MTUS2: variants seen among roughly 807,000 people sequenced by gnomAD.
The protein encoded by MTUS2 is microtubule-associated tumor suppressor candidate 2.
Under a neutral mutation model 114.1 loss-of-function variants are expected in MTUS2, and 40 were observed. The observed-to-expected ratio is 0.35, with a 90% CI of 0.27 to 0.46. The LOEUF (loss-of-function observed/expected upper bound fraction) is 0.46. Among genes scored for constraint, MTUS2 ranks in the 20% least tolerant of loss-of-function variants. The pLI is 1.00. For synonymous variants in MTUS2, 688 were observed against 672.0 expected (o/e 1.02, Z -0.37); for missense variants, 1,679 against 1,705.4 (o/e 0.98, Z 0.27).
intron 2 of MTUS2, among the ~76,000 whole-genome samples, chr13:28,988,131 A>G (rs982200587): frequency 2.6e-5 from 4 of 152,336 alleles, no homozygotes; most frequent in African/African-American, 4.8e-5. Flanking sequence ...TAGGATAGAG[A>G]CAGGAAGAAA....
intron 5 of MTUS2, among the ~76,000 whole-genome samples, chr13:29,270,464 C>T (rs12877613): frequency 0.013 from 1,905 of 152,190 alleles, 28 homozygotes; most frequent in East Asian, 0.078. Context: ...AGTTTAGTGC[C>T]GGCAAATCCC....
At chr13:29,324,823 C>G (rs1759595866) in intron 7 of MTUS2, 112 bp downstream of exon 7, 2 of 798,080 alleles carry the variant, frequency 2.5e-6, no homozygotes, top group Non-Finnish European at 2.1e-6. Flanking sequence ...CTCAATTGTT[C>G]CAGAGCTTGA....
chr13:29,463,769 C>T (rs1182882177), intron 9 of MTUS2, among the ~76,000 whole-genome samples: 5 of 152,162 alleles, frequency 3.3e-5, no homozygotes, highest in Admixed American at 1.3e-4. Context: ...GGGGCCGAGG[C>T]GGGCATATCA....
At chr13:29,037,867 A>G (rs1035267926) in intron 4 of MTUS2, among the ~76,000 whole-genome samples, 1 of 152,154 alleles carries the variant, frequency 6.6e-6, no homozygotes, top group African/African-American at 2.4e-5. Flanking sequence ...CCATCAGGTC[A>G]TTTATGTTCT....
At chr13:29,057,628 T>C (rs1888199413) in intron 4 of MTUS2, among the ~76,000 whole-genome samples, 1 of 152,212 alleles carries the variant, frequency 6.6e-6, no homozygotes, top group African/African-American at 2.4e-5. Context: ...TCTCTGCTTT[T>C]TCCTGTGTTT....
chr13:29,039,021 C>T (rs184256267), intron 4 of MTUS2, among the ~76,000 whole-genome samples: 8 of 152,328 alleles, frequency 5.3e-5, no homozygotes, highest in Admixed American at 3.3e-4. Context: ...GTTGGGAAAG[C>T]GCCTCCAGGC....
intron 5 of MTUS2, among the ~76,000 whole-genome samples, chr13:29,197,361 G>C (rs1894746658): frequency 6.6e-6 from 1 of 151,982 alleles, no homozygotes; most frequent in Non-Finnish European, 1.5e-5. Flanking sequence ...GAGAATGATG[G>C]TTTCCAGCTT....
At chr13:29,322,216 C>T (rs1311406671) in intron 6 of MTUS2, among the ~76,000 whole-genome samples, 1 of 152,156 alleles carries the variant, frequency 6.6e-6, no homozygotes, top group Non-Finnish European at 1.5e-5. Flanking sequence ...AAGCACAAAA[C>T]ATTAGGTTTA....
In MTUS2 at chr13:29,504,618, G is replaced by A. The variant is rs1477942344; in HGVS notation, c.*1412G>A. 1 of 232,976 alleles carries A rather than the reference G, an allele frequency of 4.3e-6. No homozygotes were observed. The highest frequency in any genetic ancestry group is 2.2e-5 in the African/African-American group (1 of 45,336). The allele number at this position is 232,976 out of a possible 1,614,324, so 14.4% of individuals were successfully genotyped here. On this transcript the variant is annotated 3_prime_UTR_variant, in exon 16 of 16. Coordinates refer to ENST00000612955, the MANE Select transcript of MTUS2 (RefSeq NM_001033602.4). ...TGGACTGGCATCTGTCTCTAAAATGGTAGAATTAGGATATGAACAGTACTC... is the reference window on the plus strand; with the variant it reads ...TGGACTGGCATCTGTCTCTAAAATGATAGAATTAGGATATGAACAGTACTC...
intron 5 of MTUS2, among the ~76,000 whole-genome samples, chr13:29,134,596 C>T (rs151164326): frequency 4.3e-4 from 65 of 152,000 alleles, no homozygotes; most frequent in Non-Finnish European, 7.7e-4. Flanking sequence ...TTCTGTATCA[C>T]GCTTTATTTT....
chr13:29,351,099 A>G (rs942783823), intron 7 of MTUS2, among the ~76,000 whole-genome samples: 28 of 151,896 alleles, frequency 1.8e-4, no homozygotes, highest in African/African-American at 6.3e-4. Flanking sequence ...TTCAAGTCCT[A>G]AAGGATGGCA....
chr13:28,907,918 G>A lies in MTUS2; in HGVS notation c.-243+68068G>A, dbSNP rs893818077. 4.0e-4 allele frequency among the ~76,000 whole-genome samples: 60 copies of A among 151,400 alleles called. 3 individuals are homozygous for A. Among genetic ancestry groups the A allele is most frequent in the Non-Finnish European group, 1.3e-4 (9 of 67,888 alleles). On this transcript the variant is annotated intron_variant, in intron 2 of 15. Coordinates refer to ENST00000612955, the MANE Select transcript of MTUS2 (RefSeq NM_001033602.4). Reference sequence around the variant, plus strand: ...GTGTCACTTCCTTCTGGTCTCCATGGTTTCAGGTGAGTAATCTGAATTGTG... The same window carrying A: ...GTGTCACTTCCTTCTGGTCTCCATGATTTCAGGTGAGTAATCTGAATTGTG...
intron 5 of MTUS2, among the ~76,000 whole-genome samples, chr13:29,142,441 C>T (rs540171856): frequency 2.0e-5 from 3 of 152,178 alleles, no homozygotes; most frequent in African/African-American, 4.8e-5. Context: ...TGGTGGCTCA[C>T]GCCTATAATC....
At chr13:29,180,686 A>T (rs7983586) in intron 5 of MTUS2, among the ~76,000 whole-genome samples, 112,421 of 152,088 alleles carry the variant, frequency 0.74, 41,655 homozygotes, top group East Asian at 0.8. Context: ...TAGGCTATAA[A>T]CTGGCTTCAC....
chr13:28,932,146 T>C (rs1881653315), intron 2 of MTUS2, among the ~76,000 whole-genome samples: 2 of 152,218 alleles, frequency 1.3e-5, no homozygotes, highest in South Asian at 4.1e-4. Context: ...CACTGACCAA[T>C]GGCTATTCTC....
chr13:29,259,338 A>C (rs1379250460), intron 5 of MTUS2, among the ~76,000 whole-genome samples: 2 of 152,148 alleles, frequency 1.3e-5, no homozygotes, highest in East Asian at 3.9e-4. Context: ...GAAGAAAGCA[A>C]CTGAAGAGAG....
At chr13:29,082,580 A>C (rs1237812187) in intron 4 of MTUS2, among the ~76,000 whole-genome samples, 1 of 152,084 alleles carries the variant, frequency 6.6e-6, no homozygotes, top group Non-Finnish European at 1.5e-5. Context: ...TCCTCCTACA[A>C]CTTGGCAAAT....
chr13:29,392,350 T>C (rs1873568605), intron 8 of MTUS2, among the ~76,000 whole-genome samples: 1 of 152,108 alleles, frequency 6.6e-6, no homozygotes, highest in East Asian at 1.9e-4. Flanking sequence ...GACTGGCTTA[T>C]TTCACCCAGC....
At chr13:29,030,343 G>T (rs1016560749) in intron 3 of MTUS2, among the ~76,000 whole-genome samples, 2 of 152,152 alleles carry the variant, frequency 1.3e-5, no homozygotes, top group African/African-American at 2.4e-5. Flanking sequence ...CTTCTTCAAA[G>T]AATTTATTTG....
Sources: allele counts gnomAD v4.1 joint callset (sites outside exome capture counted in the v4.1 genomes callset), GRCh38; gene constraint gnomAD v4.1.1; transcripts MANE v1.5; gene names NCBI Gene and HGNC (gene_info 2026-07-23, HGNC 2026-07-21).